Variants in NTNG1 observed in about 807,000 individuals in gnomAD.
NTNG1 encodes the protein netrin-G1.
A neutral mutation model predicts 54.0 loss-of-function variants in NTNG1; 16 were observed. The observed-to-expected ratio is 0.30, with a 90% CI of 0.20 to 0.45. The LOEUF is 0.45. Among genes scored for constraint, NTNG1 ranks in the 20% least tolerant of loss-of-function variants. NTNG1 has a pLI of 1.00. For missense variants in NTNG1, 530 were observed against 678.7 expected (o/e 0.78, Z 2.43); for synonymous variants, 255 against 263.1 (o/e 0.97, Z 0.30).
intron 3 of NTNG1, among the ~76,000 whole-genome samples, chr1:107,329,571 T>C (rs1328836399): frequency 6.6e-6 from 1 of 152,192 alleles, no homozygotes; most frequent in African/African-American, 2.4e-5. Context: ...GTTCCCTAAG[T>C]CTTTTTCCTA....
At chr1:107,326,549 T>C (rs1371203012) in intron 3 of NTNG1, among the ~76,000 whole-genome samples, 1 of 152,174 alleles carries the variant, frequency 6.6e-6, no homozygotes, top group East Asian at 1.9e-4. Flanking sequence ...TAATGATAGC[T>C]TGCCACAATG....
chr1:107,198,567 G>GAA (rs1432386971), intron 2 of NTNG1, among the ~76,000 whole-genome samples: 1 of 151,888 alleles, frequency 6.6e-6, no homozygotes. Flanking sequence ...TTGTGTGTCT[G>GAA]CTTCTTTTGT....
intron 3 of NTNG1, among the ~76,000 whole-genome samples, chr1:107,386,145 G>GTATGTATATATATA (rs1557954565): frequency 1.7e-4 from 8 of 46,538 alleles, no homozygotes; most frequent in Admixed American, 1.1e-3. Flanking sequence ...ATATATATAT[G>GTATGTATATATATA]TGTGTATATA....
At chr1:107,172,211 A>G (rs1334079696) in intron 2 of NTNG1, among the ~76,000 whole-genome samples, 1 of 152,096 alleles carries the variant, frequency 6.6e-6, no homozygotes, top group Non-Finnish European at 1.5e-5. Flanking sequence ...GAGAGCTCAA[A>G]GGGTGTTGTC....
chr1:107,189,350 C>CAAAAAAA (rs34104583), intron 2 of NTNG1, among the ~76,000 whole-genome samples: 3 of 113,194 alleles, frequency 2.7e-5, no homozygotes, highest in Admixed American at 1.0e-4. Flanking sequence ...GACCTTGTCT[C>CAAAAAAA]AAAAAAAAAA....
chr1:107,376,692 T>A (rs922348333), intron 3 of NTNG1, among the ~76,000 whole-genome samples: 1 of 152,188 alleles, frequency 6.6e-6, no homozygotes, highest in Admixed American at 6.5e-5. Flanking sequence ...TTTCTCTGAC[T>A]TTTAATTTGT....
rs570514221 is a variant in NTNG1 at position 107,464,121 on chromosome 1, G to A, written c.1391-16490G>A. On this transcript the variant is annotated intron_variant, in intron 7 of 7. Transcript: ENST00000370068. ...TTCCCCTTTAGTTAACATAAATAGG[G>A]GCATCAGCTTTACACCCTTAAAAAA... Among the ~76,000 whole-genome samples the A allele has an allele frequency of 3.9e-5, 6 of 151,966 alleles. No individual in the cohort carries two copies. In the East Asian group the frequency reaches 1.2e-3, roughly 29 times the overall value.
chr1:107,297,794 G>A (rs1666074294), intron 2 of NTNG1, among the ~76,000 whole-genome samples: 1 of 151,992 alleles, frequency 6.6e-6, no homozygotes, highest in African/African-American at 2.4e-5. Context: ...TACATTGTGG[G>A]GACATAAATC....
At chr1:107,475,457 G>A (rs1409129606) in intron 7 of NTNG1, among the ~76,000 whole-genome samples, 1 of 152,152 alleles carries the variant, frequency 6.6e-6, no homozygotes, top group Non-Finnish European at 1.5e-5. Context: ...CATAGCAGGG[G>A]TGCTTTTTGT....
chr1:107,405,519 C>T (rs1288389731), intron 4 of NTNG1, among the ~76,000 whole-genome samples: 1 of 152,110 alleles, frequency 6.6e-6, no homozygotes, highest in Non-Finnish European at 1.5e-5. Context: ...ACATTGCTCC[C>T]CTGCCCTGGT....
At chr1:107,271,854 G>T (rs1664163860) in intron 2 of NTNG1, among the ~76,000 whole-genome samples, 1 of 152,074 alleles carries the variant, frequency 6.6e-6, no homozygotes, top group Admixed American at 6.6e-5. Flanking sequence ...AAAATCTAGG[G>T]CATACACTGT....
intron 2 of NTNG1, among the ~76,000 whole-genome samples, chr1:107,222,425 A>ATGGAAATAATAACAGAGACTAAC (rs1660406073): frequency 6.6e-6 from 1 of 152,218 alleles, no homozygotes; most frequent in Non-Finnish European, 1.5e-5. Context: ...TATCTGTACA[A>ATGGAAATAATAACAGAGACTAAC]TGGAAATAAT....
intron 2 of NTNG1, among the ~76,000 whole-genome samples, chr1:107,217,593 A>G (rs1269319939): frequency 6.6e-6 from 1 of 152,146 alleles, no homozygotes; most frequent in Non-Finnish European, 1.5e-5. Flanking sequence ...ATTTAATGCT[A>G]TGAACTTTCC....
At chr1:107,405,867 C>CA (rs559503514) in intron 4 of NTNG1, among the ~76,000 whole-genome samples, 15 of 148,916 alleles carry the variant, frequency 1.0e-4, no homozygotes, top group South Asian at 6.4e-4. Flanking sequence ...AGAGGATTTG[C>CA]AAAAAAAAAT....
At chr1:107,382,492 TAGAC>T (rs769127605) in intron 3 of NTNG1, among the ~76,000 whole-genome samples, 5 of 152,224 alleles carry the variant, frequency 3.3e-5, no homozygotes, top group African/African-American at 7.2e-5. Context: ...TTTAACCAGA[TAGAC>T]AGAAAGATTG....
rs186375399 is a variant in NTNG1, at chr1:107,441,549, G to C, written c.1390+4750G>C. Among the ~76,000 whole-genome samples the C allele has an allele frequency of 1.4e-3, 219 of 152,184 alleles. 1 individual carries two copies. Among genetic ancestry groups the C allele is most frequent in the Middle Eastern group, 0.01 (3 of 294 alleles). ...AGACAGATCACATCCTTTTCTGAGC[G>C]CAAGTGGGAAAGGCTTTCCATTTTT... is the stretch of plus-strand genomic sequence containing the variant. On this transcript the variant is annotated intron_variant, in intron 7 of 7. Transcript: ENST00000370068.
chr1:107,430,552 C>A (rs1675195508), intron 5 of NTNG1, 198 bp from the exon 6 acceptor site: 1 of 722,660 alleles, frequency 1.4e-6, no homozygotes, highest in Non-Finnish European at 2.5e-6. Flanking sequence ...GAATGTCCGA[C>A]CTTTCTATCC....
intron 4 of NTNG1, among the ~76,000 whole-genome samples, chr1:107,396,939 T>C (rs889483948): frequency 6.6e-6 from 1 of 152,222 alleles, no homozygotes; most frequent in African/African-American, 2.4e-5. Context: ...CTTCTACCCG[T>C]AACTGTACTT....
intron 6 of NTNG1, among the ~76,000 whole-genome samples, chr1:107,433,049 T>C (rs925138890): frequency 1.3e-5 from 2 of 152,220 alleles, no homozygotes; most frequent in Non-Finnish European, 2.9e-5. Flanking sequence ...GAAAAAGATA[T>C]CAATTTTGTA....
Sources: allele counts gnomAD v4.1 joint callset (sites outside exome capture counted in the v4.1 genomes callset), GRCh38; gene constraint gnomAD v4.1.1; transcripts MANE v1.5; gene names NCBI Gene and HGNC (gene_info 2026-07-23, HGNC 2026-07-21).